Variants in GRM8 observed in about 807,000 individuals in gnomAD.
GRM8 encodes glutamate metabotropic receptor 8, also known as metabotropic glutamate receptor 8.
Under a neutral mutation model 87.2 loss-of-function variants are expected in GRM8, and 47 were observed. The ratio of observed to expected loss-of-function variants is 0.54; its 90% CI spans 0.43 to 0.69. The LOEUF (loss-of-function observed/expected upper bound fraction) is 0.69, where lower values mean the gene tolerates loss of function less well. Ranked by LOEUF, GRM8 falls within the 30% of genes least tolerant of loss-of-function variation. GRM8 has a pLI of 0.00. For missense variants in GRM8, 1,019 were observed against 1,139.2 expected, an observed-to-expected ratio of 0.89 and a Z score of 1.52; for synonymous variants, 396 against 404.5, an observed-to-expected ratio of 0.98 and a Z score of 0.25.
chr7:127,047,168 C>G (rs1819009908), intron 3 of GRM8, among the ~76,000 whole-genome samples: 1 of 152,144 alleles, frequency 6.6e-6, no homozygotes, highest in African/African-American at 2.4e-5. Context: ...AACAGCCACA[C>G]CCATCTGATA....
intron 2 of GRM8, among the ~76,000 whole-genome samples, chr7:127,125,516 G>A (rs919924423): frequency 5.3e-5 from 8 of 151,954 alleles, no homozygotes; most frequent in Middle Eastern, 3.4e-3. Flanking sequence ...AAAAATACTA[G>A]AAGAAAATCT....
chr7:127,205,377 T>G (rs1795845927), intron 2 of GRM8, among the ~76,000 whole-genome samples: 1 of 152,206 alleles, frequency 6.6e-6, no homozygotes, highest in Non-Finnish European at 1.5e-5. Context: ...CATTAATGCC[T>G]GAATTACCAA....
At chr7:126,577,575 A>AG (rs1339884774) in intron 8 of GRM8, among the ~76,000 whole-genome samples, 1 of 151,120 alleles carries the variant, frequency 6.6e-6, no homozygotes, top group African/African-American at 2.4e-5. Context: ...AAAAAAAAAA[A>AG]GTAGATGTGA....
intron 3 of GRM8, among the ~76,000 whole-genome samples, chr7:126,969,474 T>C (rs1434379182): frequency 6.6e-6 from 1 of 152,208 alleles, no homozygotes; most frequent in Non-Finnish European, 1.5e-5. Context: ...CCTCAAGAAA[T>C]TACTTTCTTT....
intron 3 of GRM8, among the ~76,000 whole-genome samples, chr7:127,031,298 T>G (rs919527357): frequency 6.6e-6 from 1 of 152,156 alleles, no homozygotes; most frequent in African/African-American, 2.4e-5. Flanking sequence ...TTTAAAAATG[T>G]TGGTATCATA....
chr7:126,688,853 A>G lies in GRM8; in HGVS notation c.1358-79355T>C, dbSNP rs544597881. Among the ~76,000 whole-genome samples, 24 of 152,222 alleles carry G rather than the reference A, an allele frequency of 1.6e-4. No homozygotes were observed. In the East Asian group the frequency reaches 1.9e-3, roughly 12 times the overall value. On this transcript the variant is annotated intron_variant, in intron 7 of 10. Coordinates refer to ENST00000339582, the MANE Select transcript of GRM8 (RefSeq NM_000845.3). ...TTCTCTCAGTTCCCTGGACAATAAA[A>G]TAACTCACAATGAGAGCTCTCGCTT...
chr7:126,954,507 C>A (rs1302190419), intron 3 of GRM8, among the ~76,000 whole-genome samples: 1 of 152,156 alleles, frequency 6.6e-6, no homozygotes, highest in Non-Finnish European at 1.5e-5. Context: ...TATTTGTTAT[C>A]TGAAATTCAA....
At chr7:126,903,739 ATATATATG>A (rs1586394414) in intron 5 of GRM8, among the ~76,000 whole-genome samples, 8 of 130,440 alleles carry the variant, frequency 6.1e-5, no homozygotes, top group African/African-American at 2.3e-4. Flanking sequence ...ATATGTGTAT[ATATATATG>A]TATATGTGTA....
intron 8 of GRM8, among the ~76,000 whole-genome samples, chr7:126,578,229 T>A (rs550486795): frequency 4.6e-5 from 7 of 152,302 alleles, no homozygotes; most frequent in East Asian, 1.9e-4. Context: ...GTAGGTTTTT[T>A]AAAGAATTTT....
intron 8 of GRM8, among the ~76,000 whole-genome samples, chr7:126,605,813 G>A (rs1376916042): frequency 6.6e-6 from 1 of 152,126 alleles, no homozygotes; most frequent in Admixed American, 6.5e-5. Flanking sequence ...CCCACCAGAG[G>A]TCAGGCCAGA....
intron 7 of GRM8, among the ~76,000 whole-genome samples, chr7:126,748,955 C>T (rs376279827): frequency 7.2e-4 from 109 of 152,144 alleles, no homozygotes; most frequent in African/African-American, 2.4e-3. Flanking sequence ...CCTCAAGCTT[C>T]ACCTCTTATC....
chr7:126,445,989 G>GT (rs1801974073), intron 10 of GRM8, 137 bp downstream of exon 10: 1 of 968,352 alleles, frequency 1.0e-6, no homozygotes. Flanking sequence ...AAATGTGATG[G>GT]TGTCACGGTA....
intron 3 of GRM8, among the ~76,000 whole-genome samples, chr7:126,913,698 G>A (rs1803550972): frequency 6.6e-6 from 1 of 152,118 alleles, no homozygotes; most frequent in African/African-American, 2.4e-5. Context: ...TCCTTTAGTG[G>A]TAGTTGAGTA....
chr7:126,467,614 G>C (rs59458155), intron 9 of GRM8, among the ~76,000 whole-genome samples: 1,961 of 151,768 alleles, frequency 0.013, 40 homozygotes, highest in African/African-American at 0.045. Context: ...AGTTAGTCTA[G>C]TTCCTTTTAA....
chr7:126,788,993 G>T (rs1306860501), intron 6 of GRM8, among the ~76,000 whole-genome samples: 1 of 152,014 alleles, frequency 6.6e-6, no homozygotes, highest in East Asian at 1.9e-4. Context: ...TATTATCAAG[G>T]AAGAGAAAGG....
At chr7:126,597,424 A>T (rs1797312433) in intron 8 of GRM8, among the ~76,000 whole-genome samples, 1 of 152,078 alleles carries the variant, frequency 6.6e-6, no homozygotes, top group Admixed American at 6.6e-5. Flanking sequence ...AACTTTTAAA[A>T]GTACTCTAGG....
At chr7:126,456,518 C>CCAAAAAAAA (rs1803242856) in intron 9 of GRM8, among the ~76,000 whole-genome samples, 1 of 5,718 alleles carries the variant, frequency 1.7e-4, no homozygotes, top group African/African-American at 1.7e-3. Flanking sequence ...AAGCAGCAAG[C>CCAAAAAAAA]TAAAAAAAAA....
intron 2 of GRM8, among the ~76,000 whole-genome samples, chr7:127,157,455 A>T (rs1792806865): frequency 6.6e-6 from 1 of 152,190 alleles, no homozygotes; most frequent in Admixed American, 6.5e-5. Context: ...TAATTGCATA[A>T]CACAAAATAC....
At chr7:126,647,320 TAGATAGATAGATAGATAG>T (rs1392605353) in intron 7 of GRM8, among the ~76,000 whole-genome samples, 73 of 62,024 alleles carry the variant, frequency 1.2e-3, no homozygotes, top group South Asian at 0.01. Flanking sequence ...GATAGATAGA[TAGATAGATAGATAGATAG>T]ATAGATATAG....
Sources: allele counts gnomAD v4.1 joint callset (sites outside exome capture counted in the v4.1 genomes callset), GRCh38; gene constraint gnomAD v4.1.1; transcripts MANE v1.5; gene names NCBI Gene and HGNC (gene_info 2026-07-23, HGNC 2026-07-21).